Variants in KIF26B observed in about 807,000 individuals in gnomAD.
The protein encoded by KIF26B is kinesin family member 26B.
Under a neutral mutation model 151.2 loss-of-function variants are expected in KIF26B, and 63 were observed. That is an observed-to-expected ratio of 0.42 (90% CI 0.34 to 0.51). The LOEUF (loss-of-function observed/expected upper bound fraction) is 0.51, where lower values mean the gene tolerates loss of function less well. Among genes scored for constraint, KIF26B ranks in the 20% least tolerant of loss-of-function variants. The pLI is 0.07. For missense variants in KIF26B, 2,813 were observed against 2,913.6 expected (o/e 0.97, Z 0.79); for synonymous variants, 1,357 against 1,262.1 (o/e 1.08, Z -1.59).
At chr1:245,350,610 A>G (rs1474303052) in intron 2 of KIF26B, among the ~76,000 whole-genome samples, 1 of 152,154 alleles carries the variant, frequency 6.6e-6, no homozygotes, top group Admixed American at 6.5e-5. Flanking sequence ...AGCCCAGGTT[A>G]AGCTGCATCC....
At chr1:245,612,325 C>G (rs1054799810) in intron 9 of KIF26B, among the ~76,000 whole-genome samples, 3 of 152,052 alleles carry the variant, frequency 2.0e-5, no homozygotes, top group Admixed American at 2.0e-4. Flanking sequence ...GTTGCCCAGG[C>G]TGGTCTAGAA....
At chr1:245,401,407 G>A (rs1178975786) in intron 3 of KIF26B, among the ~76,000 whole-genome samples, 5 of 152,160 alleles carry the variant, frequency 3.3e-5, no homozygotes, top group Non-Finnish European at 7.4e-5. Flanking sequence ...TGAATTTATG[G>A]GTGTAACTTG....
intron 9 of KIF26B, among the ~76,000 whole-genome samples, chr1:245,624,292 AAAAAG>A (rs928491327): frequency 2.6e-5 from 4 of 152,154 alleles, no homozygotes; most frequent in African/African-American, 7.2e-5. Flanking sequence ...TGAAAAAAAA[AAAAAG>A]AAAAACTGGA....
intron 2 of KIF26B, among the ~76,000 whole-genome samples, chr1:245,164,697 T>C (rs73125014): frequency 8.8e-4 from 134 of 152,354 alleles, no homozygotes; most frequent in African/African-American, 2.9e-3. Context: ...TTGTAGGCTA[T>C]AGGCTGGACT....
At chr1:245,514,018 C>T (rs1416472) in intron 4 of KIF26B, among the ~76,000 whole-genome samples, 37,227 of 152,016 alleles carry the variant, frequency 0.24, 5,582 homozygotes, top group East Asian at 0.49. Context: ...GGAGACACTG[C>T]GGGGGAGAAA....
Position 245,508,171 on chromosome 1 carries a change from T to C in KIF26B, c.1167-32596T>C, listed in dbSNP as rs1660761329. 2.0e-5 allele frequency among the ~76,000 whole-genome samples: 3 copies of C among 152,238 alleles called. No individual in the cohort carries two copies. The South Asian group carries it at 6.2e-4, about 32-fold the overall frequency. ...AGTGCTGGTGTTTCCCCAAGGATGT[T>C]CTAGACCCTTCACCATTCCATTCAT... On this transcript the variant is annotated intron_variant, in intron 4 of 14. Transcript: ENST00000407071.
At chr1:245,434,736 G>C (rs1277403373) in intron 4 of KIF26B, among the ~76,000 whole-genome samples, 1 of 152,208 alleles carries the variant, frequency 6.6e-6, no homozygotes, top group East Asian at 1.9e-4. Context: ...TAATTCTGAG[G>C]CATGGTCTAC....
chr1:245,229,226 T>G (rs965066835), intron 2 of KIF26B, among the ~76,000 whole-genome samples: 3 of 152,068 alleles, frequency 2.0e-5, no homozygotes, highest in South Asian at 2.1e-4. Flanking sequence ...CCCACTTCGG[T>G]CTCCCAAAGT....
intron 4 of KIF26B, among the ~76,000 whole-genome samples, chr1:245,532,316 G>A (rs1398663021): frequency 4.7e-5 from 7 of 147,646 alleles, no homozygotes; most frequent in African/African-American, 1.8e-4. Context: ...CGCGATCTCG[G>A]CTCACTGCAA....
intron 4 of KIF26B, among the ~76,000 whole-genome samples, chr1:245,445,516 G>T (rs953313243): frequency 6.6e-6 from 1 of 152,152 alleles, no homozygotes; most frequent in African/African-American, 2.4e-5. Context: ...GTGCGCACGT[G>T]GGGGGGATAC....
chr1:245,205,837 C>A (rs1669394283), intron 2 of KIF26B, among the ~76,000 whole-genome samples: 1 of 148,126 alleles, frequency 6.8e-6, no homozygotes, highest in African/African-American at 2.5e-5. Context: ...CACTCTCCCC[C>A]ACCCCCACCC....
chr1:245,632,603 G>C (rs745664148), intron 9 of KIF26B, among the ~76,000 whole-genome samples: 2 of 152,166 alleles, frequency 1.3e-5, no homozygotes, highest in African/African-American at 2.4e-5. Flanking sequence ...TCTGTCCAGT[G>C]CTAAAGCGGA....
Position 245,698,408 on chromosome 1 carries a change from C to A in KIF26B, c.6027+100C>A. ...GGCCCTGGGGAAGAAAACTCAGACC[C>A]GGGCTTCCCAGCGGGCTTCTGGCAT... On this transcript the variant is annotated intron_variant, in intron 13 of 14. Coordinates refer to ENST00000407071, the MANE Select transcript of KIF26B (RefSeq NM_018012.4). This position sits in a 1 kb window ranked among gnomAD's most constrained non-coding sequence, Gnocchi z 4.0. The A allele has an allele frequency of 8.8e-7, 1 of 1,130,066 alleles. No homozygotes were observed. The highest frequency in any genetic ancestry group is 1.3e-6 in the Non-Finnish European group (1 of 796,536). 70.0% of individuals were successfully genotyped at this position (1,130,066 alleles called of 1,614,324 possible). A position where few individuals can be genotyped will look rare whatever the true frequency, so the allele number is the denominator to read the frequency against.
rs773376327 is a variant in KIF26B at position 245,155,389 on chromosome 1, T to G, written c.-36T>G. 3.2e-6 allele frequency: 5 copies of G among 1,571,476 alleles called. No homozygotes were observed. In the South Asian group the frequency reaches 4.6e-5, roughly 14 times the overall value. On this transcript the variant is annotated 5_prime_UTR_variant, in exon 1 of 15. Coordinates refer to ENST00000407071, the MANE Select transcript of KIF26B (RefSeq NM_018012.4). ...GAGGACCTTCTGGATGTAGCGTCGG[T>G]GGAACCTTTAGATACTCTCCTCTGG... is the stretch of plus-strand genomic sequence containing the variant.
At position 245,239,898 on chromosome 1, in the gene KIF26B, G is replaced by A. The variant is rs893370483; in HGVS notation, c.465+83215G>A. On this transcript the variant is annotated intron_variant, in intron 2 of 14. Coordinates refer to ENST00000407071, the MANE Select transcript of KIF26B (RefSeq NM_018012.4). This position sits in a 1 kb window ranked among gnomAD's most constrained non-coding sequence, Gnocchi z 4.3. ...CTATATAAAGAGTCACTTTCCGGCC[G>A]GGTGTGGTCACTCACGCCTGTAATC... 2.6e-5 allele frequency among the ~76,000 whole-genome samples: 4 copies of A among 152,036 alleles called. No individual in the cohort carries two copies. Among genetic ancestry groups the A allele is most frequent in the African/African-American group, 4.8e-5 (2 of 41,404 alleles).
At chr1:245,604,609 T>TGA (rs2043430318) in intron 6 of KIF26B, among the ~76,000 whole-genome samples, 1 of 152,200 alleles carries the variant, frequency 6.6e-6, no homozygotes, top group Non-Finnish European at 1.5e-5. Context: ...CCACAAGTTG[T>TGA]AAGAATTCCA....
intron 2 of KIF26B, among the ~76,000 whole-genome samples, chr1:245,270,810 G>A (rs1234236303): frequency 3.9e-5 from 6 of 152,010 alleles, no homozygotes; most frequent in Non-Finnish European, 8.8e-5. Context: ...GCTTTTGTTG[G>A]CATATCCAAG....
At chr1:245,681,144 C>T (rs929375112) in intron 10 of KIF26B, among the ~76,000 whole-genome samples, 9 of 151,780 alleles carry the variant, frequency 5.9e-5, no homozygotes, top group African/African-American at 9.7e-5. Context: ...GAAGAGGAAG[C>T]GCACAGGGCA....
At chr1:245,381,155 T>C (rs1673399709) in intron 3 of KIF26B, among the ~76,000 whole-genome samples, 1 of 152,156 alleles carries the variant, frequency 6.6e-6, no homozygotes, top group Non-Finnish European at 1.5e-5. Flanking sequence ...TTAAATTCAG[T>C]GTCCTAACAT....
Sources: allele counts gnomAD v4.1 joint callset (sites outside exome capture counted in the v4.1 genomes callset), GRCh38; gene constraint gnomAD v4.1.1; non-coding constraint Gnocchi (gnomAD v3.1); transcripts MANE v1.5; gene names NCBI Gene and HGNC (gene_info 2026-07-23, HGNC 2026-07-21).